The following LONP2 variants were observed in gnomAD, a reference collection of about 807,000 sequenced individuals.
The protein encoded by LONP2 is lon protease homolog 2, peroxisomal.
Under a neutral mutation model 85.6 loss-of-function variants are expected in LONP2, and 60 were observed. That is an observed-to-expected ratio of 0.70 (90% CI 0.57 to 0.87). The LOEUF (loss-of-function observed/expected upper bound fraction) is 0.87. LONP2 is among the 40% of genes least tolerant of loss of function. LONP2 has a pLI of 0.00. For missense variants in LONP2, 860 were observed against 1,063.5 expected (o/e 0.81, Z 2.66); for synonymous variants, 395 against 389.7 (o/e 1.01, Z -0.16).
At chr16:48,332,026 G>A (rs1228045873) in intron 11 of LONP2, among the ~76,000 whole-genome samples, 2 of 152,142 alleles carry the variant, frequency 1.3e-5, no homozygotes, top group Admixed American at 6.5e-5. Context: ...TCCTGAAGAG[G>A]AGCCCACTAG....
rs566720166 is a variant in LONP2 at position 48,316,195 on chromosome 16, C to T, written c.1795+12890C>T. ...GCTAATTTTGTATTTTTAGTAGAGA[C>T]GGGGTTTCACCGTGTTGGCCAGGCT... On this transcript the variant is annotated intron_variant, in intron 11 of 14. Coordinates refer to ENST00000285737, the MANE Select transcript of LONP2 (RefSeq NM_031490.5). 1.1e-4 allele frequency among the ~76,000 whole-genome samples: 16 copies of T among 151,236 alleles called. No homozygotes were observed. In the East Asian group the frequency reaches 1.6e-3, roughly 15 times the overall value.
intron 6 of LONP2, among the ~76,000 whole-genome samples, chr16:48,264,682 A>G (rs138157896): frequency 0.014 from 2,089 of 152,326 alleles, 48 homozygotes; most frequent in African/African-American, 0.048. Context: ...GTATTGATTG[A>G]GGAAGTGATA....
intron 11 of LONP2, among the ~76,000 whole-genome samples, chr16:48,324,319 T>G (rs1973326180): frequency 6.6e-6 from 1 of 152,220 alleles, no homozygotes; most frequent in Non-Finnish European, 1.5e-5. Context: ...CTCTCCATGC[T>G]TAAACAAGGT....
At chr16:48,329,229 A>G (rs1030191778) in intron 11 of LONP2, among the ~76,000 whole-genome samples, 1 of 152,134 alleles carries the variant, frequency 6.6e-6, no homozygotes, top group Non-Finnish European at 1.5e-5. Context: ...AAAAATATTA[A>G]CTGGAAAATT....
At chr16:48,319,716 G>T (rs1973222160) in intron 11 of LONP2, among the ~76,000 whole-genome samples, 1 of 152,104 alleles carries the variant, frequency 6.6e-6, no homozygotes, top group Admixed American at 6.5e-5. Flanking sequence ...AGACAAAACT[G>T]CAGTCTTTTA....
intron 12 of LONP2, 62 bp downstream of exon 12, chr16:48,334,420 C>A: frequency 6.2e-7 from 1 of 1,603,028 alleles, no homozygotes; most frequent in East Asian, 2.2e-5. Context: ...TATTGAGGCC[C>A]CAGGGCCGTA....
chr16:48,245,825 T>C (rs1041833479), intron 1 of LONP2, among the ~76,000 whole-genome samples: 1 of 152,304 alleles, frequency 6.6e-6, no homozygotes, highest in South Asian at 2.1e-4. Context: ...ATTATATTTT[T>C]ATTGGACAAT....
chr16:48,356,406 A>G lies in LONP2; in HGVS notation c.*4604A>G, dbSNP rs1960355455. The G allele has an allele frequency of 6.6e-6, 1 of 152,130 alleles. No homozygotes were observed. The highest frequency in any genetic ancestry group is 2.4e-5 in the African/African-American group (1 of 41,310). 9.4% of individuals were successfully genotyped at this position (152,130 alleles called of 1,614,324 possible). A position where few individuals can be genotyped will look rare whatever the true frequency, so the allele number is the denominator to read the frequency against. On this transcript the variant is annotated 3_prime_UTR_variant, in exon 15 of 15. Transcript: ENST00000285737. ...AAATTTATTTTAACCAGGATTTTAG[A>G]TGTAAACATCAAGTAGTTTTGGTTG... is the stretch of plus-strand genomic sequence containing the variant.
At chr16:48,324,439 A>G (rs1241778855) in intron 11 of LONP2, among the ~76,000 whole-genome samples, 1 of 152,224 alleles carries the variant, frequency 6.6e-6, no homozygotes, top group Non-Finnish European at 1.5e-5. Flanking sequence ...TCCCTGACAC[A>G]AGTACAGCCG....
At chr16:48,269,992 T>C in intron 6 of LONP2, 24 bp from the exon 7 acceptor site, 1 of 1,594,186 alleles carries the variant, frequency 6.3e-7, no homozygotes, top group Non-Finnish European at 8.5e-7. Context: ...GTGTTCTAAT[T>C]ATTTCTGTTG....
intron 7 of LONP2, among the ~76,000 whole-genome samples, chr16:48,270,639 G>A (rs1972083919): frequency 6.6e-6 from 1 of 152,132 alleles, no homozygotes; most frequent in South Asian, 2.1e-4. Context: ...AAAAGTAACT[G>A]CAATAGGGAG....
At chr16:48,260,886 A>C (rs1416209411) in intron 4 of LONP2, among the ~76,000 whole-genome samples, 1 of 152,232 alleles carries the variant, frequency 6.6e-6, no homozygotes, top group Non-Finnish European at 1.5e-5. Flanking sequence ...AGAACTTCAC[A>C]AGAAAGGAAG....
intron 10 of LONP2, among the ~76,000 whole-genome samples, chr16:48,301,648 T>C (rs1202448600): frequency 1.3e-5 from 2 of 151,446 alleles, no homozygotes; most frequent in African/African-American, 4.9e-5. Context: ...AAAAAAAAAA[T>C]AGAGATGGGG....
chr16:48,348,938 T>A (rs1960057743), intron 14 of LONP2, among the ~76,000 whole-genome samples: 1 of 152,202 alleles, frequency 6.6e-6, no homozygotes, highest in African/African-American at 2.4e-5. Flanking sequence ...GGATAGTAGT[T>A]GTTTTTAAGC....
At chr16:48,331,391 A>G (rs1431426790) in intron 11 of LONP2, among the ~76,000 whole-genome samples, 2 of 152,188 alleles carry the variant, frequency 1.3e-5, no homozygotes, top group Non-Finnish European at 2.9e-5. Flanking sequence ...TGTGAAGCAA[A>G]TGAATGCTAT....
chr16:48,298,307 T>C (rs1417068606), intron 9 of LONP2, among the ~76,000 whole-genome samples: 1 of 152,130 alleles, frequency 6.6e-6, no homozygotes, highest in African/African-American at 2.4e-5. Flanking sequence ...AAAGGGACAT[T>C]AGTTGGAATT....
intron 11 of LONP2, among the ~76,000 whole-genome samples, chr16:48,307,474 C>T (rs750249344): frequency 1.3e-5 from 2 of 152,154 alleles, no homozygotes; most frequent in Non-Finnish European, 2.9e-5. Context: ...ACCCATGTAT[C>T]ATATATTCAA....
chr16:48,347,653 G>C lies in LONP2; in HGVS notation c.2085G>C (p.Glu695Asp). The C allele has an allele frequency of 6.2e-7, 1 of 1,614,236 alleles. No individual in the cohort carries two copies. The highest frequency in any genetic ancestry group is 8.5e-7 in the Non-Finnish European group (1 of 1,180,050). The change falls in exon 13 of 15, where the codon GAG (glutamate) becomes GAC (aspartate). Residue 695 changes from glutamate to aspartate, a missense_variant. Physicochemically the swap from Glu to Asp is conservative, Grantham distance 45 (BLOSUM62 2). Coordinates refer to ENST00000285737, the MANE Select transcript of LONP2 (RefSeq NM_031490.5). The stretch of plus-strand genomic sequence containing the variant: ...GCCAGCTCGGGGACGTGATGAAGGA[G>C]TCCGCCCACCTCGCTATCAGCTGGC... The part of the protein sequence containing the change: ...LTGQLGDVMK[E>D]SAHLAISWLR...
Position 48,326,375 on chromosome 16 carries a change from A to G in LONP2, c.1796-7841A>G, listed in dbSNP as rs553885575. 3.3e-5 allele frequency among the ~76,000 whole-genome samples: 5 copies of G among 152,306 alleles called. No homozygotes were observed. In the South Asian group the frequency reaches 6.2e-4, roughly 19 times the overall value. ...CATTAAAAACCTGCTGTTTGTGAAA[A>G]TGAACACTTCTTTGATAATCTGGAA... On this transcript the variant is annotated intron_variant, in intron 11 of 14. Coordinates refer to ENST00000285737, the MANE Select transcript of LONP2 (RefSeq NM_031490.5).
Sources: gnomAD v4.1 joint callset for allele counts (sites outside exome capture counted in the v4.1 genomes callset) on GRCh38, gnomAD v4.1.1 for gene constraint, MANE v1.5 for transcripts, NCBI Gene and HGNC (gene_info 2026-07-23, HGNC 2026-07-21) for gene names.